Variants in RTKN2 observed in about 807,000 individuals in gnomAD.
RTKN2 encodes the protein rhotekin-2.
RTKN2 carries 69 observed loss-of-function variants against 71.5 expected under a neutral mutation model. The observed-to-expected ratio is 0.96, with a 90% CI of 0.79 to 1.18. The LOEUF is 1.18. Among genes scored for constraint, RTKN2 ranks in the 50% most tolerant of loss-of-function variants. The pLI is 0.00. For missense variants in RTKN2, 724 were observed against 719.7 expected (o/e 1.01, Z -0.07); for synonymous variants, 236 against 236.5 (o/e 1.00, Z 0.02).
rs781299129 is a variant in RTKN2 at position 62,204,988 on chromosome 10, T to C, written c.1055A>G (p.Lys352Arg). 1.3e-6 allele frequency: 2 copies of C among 1,599,892 alleles called. No homozygotes were observed. The highest frequency in any genetic ancestry group is 1.7e-6 in the Non-Finnish European group (2 of 1,176,042). The change falls in exon 10 of 12, where the codon AAG (lysine) becomes AGG (arginine). Residue 352 changes from lysine (K) to arginine (R), a missense_variant. Coordinates refer to ENST00000373789, the MANE Select transcript of RTKN2 (RefSeq NM_145307.4). ...TRIRAMDKDA[K>R]KRIHNFSVIN... is the part of the protein sequence containing the mutation. Reference sequence around the variant, plus strand: ...GACAGAGAAATTATGGATTCTTTTCTTGGCATCCTTATCCATTGCCCGGAT... The same window carrying C: ...GACAGAGAAATTATGGATTCTTTTCCTGGCATCCTTATCCATTGCCCGGAT...
At chr10:62,235,185 TG>T (rs1273918902) in intron 6 of RTKN2, among the ~76,000 whole-genome samples, 1 of 152,156 alleles carries the variant, frequency 6.6e-6, no homozygotes, top group Non-Finnish European at 1.5e-5. Context: ...CTCACTTTAA[TG>T]TAATATTGTA....
chr10:62,201,839 A>G (rs1406028627), intron 10 of RTKN2, among the ~76,000 whole-genome samples: 1 of 152,176 alleles, frequency 6.6e-6, no homozygotes, highest in African/African-American at 2.4e-5. Flanking sequence ...TTTTGCCAGC[A>G]AATAAATCTC....
chr10:62,261,472 T>C (rs577017375), intron 2 of RTKN2, among the ~76,000 whole-genome samples: 5 of 151,766 alleles, frequency 3.3e-5, no homozygotes, highest in Non-Finnish European at 7.4e-5. Flanking sequence ...AAACCCCATC[T>C]CTACTAAAAA....
intron 2 of RTKN2, among the ~76,000 whole-genome samples, chr10:62,251,881 T>C (rs1029160426): frequency 6.6e-6 from 1 of 151,640 alleles, no homozygotes; most frequent in African/African-American, 2.4e-5. Context: ...CAATGATAAA[T>C]ATATAGAAGC....
chr10:62,192,345 A>G (rs1052092349), downstream of RTKN2, among the ~76,000 whole-genome samples: 1 of 152,244 alleles, frequency 6.6e-6, no homozygotes, highest in Non-Finnish European at 1.5e-5. Flanking sequence ...GTATACTATG[A>G]CAGGGTTAAA....
chr10:62,246,135 A>C, intron 2 of RTKN2, 78 bp from the exon 3 acceptor site: 2 of 898,112 alleles, frequency 2.2e-6, no homozygotes, highest in Non-Finnish European at 3.5e-6. Context: ...ACAAATGTCA[A>C]AATATTAAAA....
At chr10:62,266,571 G>T (rs1842872507) in intron 1 of RTKN2, among the ~76,000 whole-genome samples, 1 of 152,054 alleles carries the variant, frequency 6.6e-6, no homozygotes, top group Non-Finnish European at 1.5e-5. Flanking sequence ...TTAAATTCAT[G>T]TTTCTGTATA....
At chr10:62,214,590 T>G (rs953727987) in intron 9 of RTKN2, among the ~76,000 whole-genome samples, 2 of 152,116 alleles carry the variant, frequency 1.3e-5, no homozygotes, top group African/African-American at 4.8e-5. Context: ...TTTTCTGGAA[T>G]TAGATCCTTG....
chr10:62,203,873 A>C (rs942763051), intron 10 of RTKN2, among the ~76,000 whole-genome samples: 11 of 152,314 alleles, frequency 7.2e-5, no homozygotes, highest in Admixed American at 3.9e-4. Context: ...CAGGAGTGTT[A>C]TGAGAAATAA....
chr10:62,201,208 T>C (rs1320194465), intron 10 of RTKN2, among the ~76,000 whole-genome samples: 1 of 152,142 alleles, frequency 6.6e-6, no homozygotes, highest in Non-Finnish European at 1.5e-5. Context: ...TTATTTTCTG[T>C]GACTTAAAAA....
At chr10:62,234,573 G>A (rs1437468282) in intron 6 of RTKN2, among the ~76,000 whole-genome samples, 7 of 151,678 alleles carry the variant, frequency 4.6e-5, no homozygotes, top group Admixed American at 2.6e-4. Context: ...TCACCTCCAT[G>A]ATTGCTAGGG....
downstream of RTKN2, among the ~76,000 whole-genome samples, chr10:62,188,808 C>T (rs1841174954): frequency 6.6e-6 from 1 of 151,772 alleles, no homozygotes; most frequent in Non-Finnish European, 1.5e-5. Flanking sequence ...AGTGCAGTGA[C>T]GCGATCTTGG....
intron 6 of RTKN2, among the ~76,000 whole-genome samples, chr10:62,228,521 G>C (rs1482885895): frequency 6.6e-6 from 1 of 152,100 alleles, no homozygotes; most frequent in Admixed American, 6.5e-5. Context: ...AGAGGAAGTA[G>C]ATAGGAATAT....
intron 6 of RTKN2, among the ~76,000 whole-genome samples, chr10:62,226,390 A>C (rs1359586849): frequency 1.3e-5 from 2 of 152,238 alleles, no homozygotes; most frequent in African/African-American, 4.8e-5. Context: ...ACTTCATAGA[A>C]TACTACTCCC....
chr10:62,184,845 GA>G (rs1841109606), intron 8 of RTKN2, among the ~76,000 whole-genome samples: 2 of 151,970 alleles, frequency 1.3e-5, no homozygotes, highest in South Asian at 4.2e-4. Context: ...ACTAAGTAAA[GA>G]AAAAAACAGG....
chr10:62,185,794 T>C (rs920406133), intron 8 of RTKN2, among the ~76,000 whole-genome samples: 27 of 152,164 alleles, frequency 1.8e-4, no homozygotes, highest in Non-Finnish European at 7.3e-5. Flanking sequence ...CCACCCCAAT[T>C]TGGGGAGTCT....
At position 62,204,920 on chromosome 10, in the gene RTKN2, C is replaced by T. The variant is rs1841516832; in HGVS notation, c.1123G>A (p.Val375Ile). 2 of 1,601,670 alleles carry T rather than the reference C, an allele frequency of 1.2e-6. No individual in the cohort carries two copies. The highest frequency in any genetic ancestry group is 8.5e-7 in the Non-Finnish European group (1 of 1,175,812). ...TTCTGAAGATCTTCTCTATTGTCAACTGCAAAAATCTGAGTTATAGCTTGT... is the reference window on the plus strand; with the variant it reads ...TTCTGAAGATCTTCTCTATTGTCAATTGCAAAAATCTGAGTTATAGCTTGT... ...PGQAITQIFAVDNREDLQKWM... is the reference protein window; with the variant it reads ...PGQAITQIFAIDNREDLQKWM... Residue 375 changes from valine to isoleucine, a missense_variant, in exon 10 of 12, where the codon GTT (valine) becomes ATT (isoleucine). Coordinates refer to ENST00000373789, the MANE Select transcript of RTKN2 (RefSeq NM_145307.4).
At chr10:62,218,343 A>T in intron 7 of RTKN2, 42 bp from the exon 8 acceptor site, 1 of 1,309,740 alleles carries the variant, frequency 7.6e-7, no homozygotes, top group Non-Finnish European at 1.1e-6. Flanking sequence ...AGTTATAAAT[A>T]TAAGTTTATT....
chr10:62,188,001 C>A (rs1199335083), intron 8 of RTKN2, among the ~76,000 whole-genome samples: 1 of 152,216 alleles, frequency 6.6e-6, no homozygotes, highest in African/African-American at 2.4e-5. Flanking sequence ...TAATCCCTAA[C>A]CATATACAAA....
Sources: allele counts gnomAD v4.1 joint callset (sites outside exome capture counted in the v4.1 genomes callset), GRCh38; gene constraint gnomAD v4.1.1; transcripts MANE v1.5; gene names NCBI Gene and HGNC (gene_info 2026-07-23, HGNC 2026-07-21).